The following EPB41L4A variants were observed in gnomAD, a reference collection of about 807,000 sequenced individuals.
The protein encoded by EPB41L4A is erythrocyte membrane protein band 4.1 like 4A.
A neutral mutation model predicts 108.6 loss-of-function variants in EPB41L4A; 100 were observed. The observed-to-expected ratio is 0.92, with a 90% confidence interval of 0.78 to 1.09. EPB41L4A has a LOEUF of 1.09. Among genes scored for constraint, EPB41L4A ranks in the 50% least tolerant of loss-of-function variants. The probability of loss-of-function intolerance (pLI) is 0.00; values close to 1 mark genes in which losing one functional copy is unlikely to be tolerated. For synonymous variants in EPB41L4A, 319 were observed against 289.0 expected (o/e 1.10, Z -1.05); for missense variants, 1,030 against 842.7 (o/e 1.22, Z -2.75).
At chr5:112,309,047 A>C (rs1258847508) in intron 1 of EPB41L4A, among the ~76,000 whole-genome samples, 1 of 152,164 alleles carries the variant, frequency 6.6e-6, no homozygotes, top group Non-Finnish European at 1.5e-5. Context: ...TCTCCTAAGT[A>C]CTTCTAAATA....
intron 1 of EPB41L4A, among the ~76,000 whole-genome samples, chr5:112,319,722 T>C (rs1755648845): frequency 6.6e-6 from 1 of 152,220 alleles, no homozygotes; most frequent in Admixed American, 6.5e-5. Flanking sequence ...AAGGAGACTT[T>C]TAAAACATAA....
intron 1 of EPB41L4A, among the ~76,000 whole-genome samples, chr5:112,377,559 T>C (rs934300612): frequency 1.3e-5 from 2 of 152,170 alleles, no homozygotes; most frequent in South Asian, 2.1e-4. Flanking sequence ...TCATCCATGA[T>C]TCATGAGGCC....
intron 15 of EPB41L4A, among the ~76,000 whole-genome samples, chr5:112,203,537 A>G (rs1762317099): frequency 6.6e-6 from 1 of 152,196 alleles, no homozygotes; most frequent in African/African-American, 2.4e-5. Flanking sequence ...CCTGCTTTGC[A>G]GAGAGGTCCA....
At position 112,418,963 on chromosome 5, in the gene EPB41L4A, G is replaced by T; in HGVS notation, c.77C>A (p.Thr26Asn). Residue 26 changes from threonine to asparagine, a missense_variant, in exon 1 of 23, where the codon ACC becomes AAC. Transcript: ENST00000261486. ...LLLDESKLTL[T>N]TQQQGIKKST... ...CACCTTGATGCCCTGCTGCTGGGTG[G>T]TAAGGGTTAACTTGGATTCATCCAG... The T allele has an allele frequency of 6.2e-7, 1 of 1,613,400 alleles. No homozygotes were observed. Among genetic ancestry groups the T allele is most frequent in the South Asian group, 1.1e-5 (1 of 91,014 alleles).
At chr5:112,388,624 G>A (rs1466880619) in intron 1 of EPB41L4A, among the ~76,000 whole-genome samples, 1 of 152,080 alleles carries the variant, frequency 6.6e-6, no homozygotes, top group East Asian at 1.9e-4. Context: ...AAATGCGAAG[G>A]CTGCCTTGAC....
At chr5:112,298,143 G>GC (rs1490128061) in intron 2 of EPB41L4A, among the ~76,000 whole-genome samples, 2 of 152,068 alleles carry the variant, frequency 1.3e-5, no homozygotes, top group Admixed American at 1.3e-4. Context: ...CTGTAGGATT[G>GC]TTTTTTCTAG....
At chr5:112,334,319 T>G (rs1756780878) in intron 1 of EPB41L4A, among the ~76,000 whole-genome samples, 1 of 152,182 alleles carries the variant, frequency 6.6e-6, no homozygotes, top group Non-Finnish European at 1.5e-5. Flanking sequence ...AAGCTGTCTC[T>G]TGTGGGGGAA....
intron 1 of EPB41L4A, among the ~76,000 whole-genome samples, chr5:112,339,490 A>ATATC (rs199663018): frequency 2.5e-5 from 3 of 119,788 alleles, no homozygotes; most frequent in African/African-American, 3.8e-5. Context: ...ATATATATAT[A>ATATC]TATATCTATA....
chr5:112,377,981 T>C (rs1182261411), intron 1 of EPB41L4A, among the ~76,000 whole-genome samples: 1 of 152,208 alleles, frequency 6.6e-6, no homozygotes, highest in South Asian at 2.1e-4. Context: ...TAATTCATAT[T>C]TGGACAACTC....
chr5:112,335,343 G>T (rs977544931), intron 1 of EPB41L4A, among the ~76,000 whole-genome samples: 6 of 152,112 alleles, frequency 3.9e-5, no homozygotes, highest in Non-Finnish European at 8.8e-5. Flanking sequence ...AAGATTAATC[G>T]ATTTAACAGA....
downstream of EPB41L4A, among the ~76,000 whole-genome samples, chr5:112,159,730 A>T (rs1384922464): frequency 6.6e-6 from 1 of 152,222 alleles, no homozygotes; most frequent in East Asian, 1.9e-4. Context: ...AACACTTGAA[A>T]TGTGTCTAGT....
intron 1 of EPB41L4A, among the ~76,000 whole-genome samples, chr5:112,356,143 G>A (rs532998195): frequency 1.1e-4 from 16 of 152,082 alleles, no homozygotes; most frequent in East Asian, 7.7e-4. Flanking sequence ...GACAGTAAAC[G>A]TACTCCACAT....
At position 112,169,067 on chromosome 5, in the gene EPB41L4A, G is replaced by A. The variant is rs533999192; in HGVS notation, c.1778C>T (p.Ser593Leu). 7.4e-6 allele frequency: 12 copies of A among 1,613,990 alleles called. No homozygotes were observed. The highest frequency in any genetic ancestry group is 2.7e-5 in the African/African-American group (2 of 74,894). ...GDPIRIRHSH[S>L]PRSYRQYRRS... ...GCGATACTGGCGGTAACTTCGTGGC[G>A]AATGAGAATGCCTGATGCGGATTGG... The change falls in exon 21 of 23, where the codon TCG (serine) becomes TTG (leucine). Residue 593 changes from serine (S) to leucine (L), a missense_variant. Physicochemically the swap from Ser to Leu is moderately radical, Grantham distance 145. Coordinates refer to ENST00000261486, the MANE Select transcript of EPB41L4A (RefSeq NM_022140.5).
At chr5:112,351,727 T>C (rs1468145753) in intron 1 of EPB41L4A, among the ~76,000 whole-genome samples, 1 of 152,092 alleles carries the variant, frequency 6.6e-6, no homozygotes, top group Non-Finnish European at 1.5e-5. Context: ...CTGATGAACA[T>C]AGGTGTGAAA....
At chr5:112,316,312 T>C (rs1340889981) in intron 1 of EPB41L4A, among the ~76,000 whole-genome samples, 3 of 152,246 alleles carry the variant, frequency 2.0e-5, no homozygotes, top group African/African-American at 4.8e-5. Context: ...AAAATTCTTA[T>C]AACGTTATGC....
chr5:112,254,072 C>T (rs1355694655), intron 9 of EPB41L4A, among the ~76,000 whole-genome samples: 6 of 152,088 alleles, frequency 3.9e-5, no homozygotes, highest in South Asian at 2.1e-4. Flanking sequence ...TCCTGTCACA[C>T]GGGGTAACTT....
At chr5:112,232,164 T>G (rs948637970) in intron 12 of EPB41L4A, among the ~76,000 whole-genome samples, 2 of 150,766 alleles carry the variant, frequency 1.3e-5, no homozygotes, top group African/African-American at 4.9e-5. Flanking sequence ...CACCTGATGC[T>G]GGGAGGCTGT....
intron 22 of EPB41L4A, among the ~76,000 whole-genome samples, chr5:112,165,973 G>A (rs935785831): frequency 1.3e-5 from 2 of 152,190 alleles, no homozygotes; most frequent in Admixed American, 1.3e-4. Context: ...ATTTGGGATG[G>A]AAGATTTCTA....
rs189733492 is a variant in EPB41L4A at position 112,418,722 on chromosome 5, T to C, written c.99+219A>G. On this transcript the variant is annotated intron_variant, in intron 1 of 22. Transcript: ENST00000261486. ...TGGGAGCCGGTGTGCTGAGTAAACT[T>C]AGAAACGTCAAACTCAACTTTGCTT... 2.6e-5 allele frequency among the ~76,000 whole-genome samples: 4 copies of C among 152,172 alleles called. No homozygotes were observed. The East Asian group carries it at 7.8e-4, about 30-fold the overall frequency.
Sources: allele counts gnomAD v4.1 joint callset (sites outside exome capture counted in the v4.1 genomes callset), GRCh38; gene constraint gnomAD v4.1.1; transcripts MANE v1.5; gene names NCBI Gene and HGNC (gene_info 2026-07-23, HGNC 2026-07-21).